The following ECD variants were observed in gnomAD, a reference collection of about 807,000 sequenced individuals.
ECD encodes protein ecdysoneless homolog.
A neutral mutation model predicts 77.2 loss-of-function variants in ECD; 59 were observed. The ratio of observed to expected loss-of-function variants is 0.76; its 90% CI spans 0.62 to 0.95. ECD has a LOEUF of 0.95. Ranked by LOEUF, ECD falls within the 40% of genes least tolerant of loss-of-function variation. ECD has a pLI of 0.00. For missense variants in ECD, 704 were observed against 763.4 expected (o/e 0.92, Z 0.92); for synonymous variants, 233 against 267.4 (o/e 0.87, Z 1.26).
chr10:73,145,330 GTC>G (rs1843109719), intron 9 of ECD, among the ~76,000 whole-genome samples: 1 of 151,888 alleles, frequency 6.6e-6, no homozygotes, highest in Non-Finnish European at 1.5e-5. Flanking sequence ...GACTAAGCGA[GTC>G]TCTGTCTAAA....
rs1217944700 is a variant in ECD at position 73,156,560 on chromosome 10, A to G, written c.411+8T>C. The G allele has an allele frequency of 5.0e-6, 8 of 1,614,026 alleles. No homozygotes were observed. Among genetic ancestry groups the G allele is most frequent in the Non-Finnish European group, 6.8e-6 (8 of 1,180,018 alleles). On this transcript the variant is annotated splice_region_variant and intron_variant, in intron 4 of 13. Transcript: ENST00000372979. Reference sequence around the variant, plus strand: ...CTCTATAAATTTTCTAAACTTGGGTATACTTACCCTATTGGTGCTATTTTC... The same window carrying G: ...CTCTATAAATTTTCTAAACTTGGGTGTACTTACCCTATTGGTGCTATTTTC...
rs759024075 is a variant in ECD at position 73,139,361 on chromosome 10, T to C, written c.1369A>G (p.Met457Val). ...NYDLTEVSES[M>V]KAFISKVSTH... ...GAGACTTTGGATATGAAAGCTTTCA[T>C]GCTCTCTGAGACTTCAGTTAAGTCA... is the stretch of plus-strand genomic sequence containing the variant. The change falls in exon 11 of 14, where the codon ATG becomes GTG. Residue 457 changes from methionine to valine, a missense_variant. Met to Val is a conservative substitution (Grantham distance 21). Around this residue, in one of 3 missense-constraint regions of ECD, gnomAD observed 559 missense variants for 583.7 expected, o/e 0.96. Transcript: ENST00000372979. The C allele has an allele frequency of 1.2e-6, 2 of 1,614,148 alleles. No homozygotes were observed. The highest frequency in any genetic ancestry group is 1.7e-6 in the Non-Finnish European group (2 of 1,180,016).
rs1842948951 is a variant in ECD at position 73,133,831 on chromosome 10, A to AC, written c.*751dup. 6.6e-6 allele frequency: 1 copy of AC among 152,210 alleles called. No individual in the cohort carries two copies. The highest frequency in any genetic ancestry group is 2.1e-4 in the South Asian group (1 of 4,834). The allele number at this position is 152,210 out of a possible 1,614,324, so 9.4% of individuals were successfully genotyped here. A position where few individuals can be genotyped will look rare whatever the true frequency, so the allele number is the denominator to read the frequency against. Reference sequence around the variant, plus strand: ...AATTAATTAATTAAAACAATTAAGTACAGTATCAGGTATGAAATATCCAAA... The same window carrying AC: ...AATTAATTAATTAAAACAATTAAGTACCAGTATCAGGTATGAAATATCCAAA... On this transcript the variant is annotated 3_prime_UTR_variant, in exon 14 of 14. Transcript: ENST00000372979.
intron 9 of ECD, 101 bp from the exon 10 acceptor site, chr10:73,139,838 A>T (rs2133249118): frequency 1.5e-6 from 1 of 677,610 alleles, no homozygotes; most frequent in Non-Finnish European, 2.3e-6. Context: ...AGCTAGTCTA[A>T]TTTGGGGAGT....
intron 3 of ECD, among the ~76,000 whole-genome samples, chr10:73,160,034 C>T (rs1422896520): frequency 6.6e-6 from 1 of 151,424 alleles, no homozygotes; most frequent in Non-Finnish European, 1.5e-5. Flanking sequence ...CCTGTATTCC[C>T]AGCACTTTGG....
chr10:73,139,387 T>C lies in ECD; in HGVS notation c.1343A>G (p.Tyr448Cys), dbSNP rs746532921. The C allele has an allele frequency of 9.9e-6, 16 of 1,614,194 alleles. No homozygotes were observed. Among genetic ancestry groups the C allele is most frequent in the East Asian group, 2.2e-5 (1 of 44,878 alleles). The change falls in exon 11 of 14, where the codon TAT (tyrosine) becomes TGT (cysteine). Residue 448 changes from tyrosine (Y) to cysteine (C), a missense_variant. Physicochemically the swap from Tyr to Cys is radical, Grantham distance 194. This residue lies in a region of ECD where 559 missense variants were observed against 583.7 expected (regional missense o/e 0.96). Transcript: ENST00000372979. ...SVSKEEKEQNYDLTEVSESMK... is the reference protein window; with the variant it reads ...SVSKEEKEQNCDLTEVSESMK... Reference sequence around the variant, plus strand: ...GCTCTCTGAGACTTCAGTTAAGTCATAGTTCTGCTCCTTCTCCTCCTTGGA... The same window carrying C: ...GCTCTCTGAGACTTCAGTTAAGTCACAGTTCTGCTCCTTCTCCTCCTTGGA...
chr10:73,157,253 T>C (rs1843308638), intron 3 of ECD, among the ~76,000 whole-genome samples: 1 of 151,556 alleles, frequency 6.6e-6, no homozygotes, highest in South Asian at 2.1e-4. Flanking sequence ...TTTCGCCATG[T>C]TGCCCAGGCT....
At chr10:73,139,553 G>A (rs2133248679) in intron 10 of ECD, 58 bp from the exon 11 acceptor site, 8 of 1,597,736 alleles carry the variant, frequency 5.0e-6, no homozygotes, top group East Asian at 2.2e-5. Flanking sequence ...CCTCTTAGGA[G>A]AGGATCCTGT....
rs553801546 is a variant in ECD at position 73,144,674 on chromosome 10, C to T, written c.1127+1602G>A. Among the ~76,000 whole-genome samples the T allele has an allele frequency of 5.6e-4, 86 of 152,218 alleles. 1 individual carries two copies. The highest frequency in any genetic ancestry group is 2.0e-3 in the African/African-American group (82 of 41,532). On this transcript the variant is annotated intron_variant, in intron 9 of 13. Transcript: ENST00000372979. ...TTTATTCCTTTACTTTCTTAATAAA[C>T]ATACTTTCACTTTACTCTATGGACT... is the stretch of plus-strand genomic sequence containing the variant.
In ECD at chr10:73,164,981, T is replaced by A. The variant is rs78619377; in HGVS notation, c.-13-1031A>T. Among the ~76,000 whole-genome samples, 948 of 152,312 alleles carry A rather than the reference T, an allele frequency of 6.2e-3. 25 individuals carry two copies. Among genetic ancestry groups the A allele is most frequent in the Admixed American group, 0.049 (742 of 15,288 alleles). On this transcript the variant is annotated intron_variant, in intron 1 of 13. Coordinates refer to ENST00000372979, the MANE Select transcript of ECD (RefSeq NM_007265.3). ...TACTAGCAGTGGTATGTGTAATATA[T>A]TTCGAGAAACACTGCACTAACACCT...
At chr10:73,160,662 T>C (rs2133273208) in intron 2 of ECD, 111 bp from the exon 3 acceptor site, 1 of 741,864 alleles carries the variant, frequency 1.3e-6, no homozygotes, top group South Asian at 2.1e-5. Context: ...CTCTAAGTAC[T>C]GGGGAGCAGG....
rs536310179 is a variant in ECD at position 73,163,952 on chromosome 10, T to C, written c.-13-2A>G. 6 of 1,594,592 alleles carry C rather than the reference T, an allele frequency of 3.8e-6. No individual in the cohort carries two copies. In the South Asian group the frequency reaches 6.6e-5, roughly 18 times the overall value. On this transcript the variant is annotated splice_acceptor_variant, in intron 1 of 13. Coordinates refer to ENST00000372979, the MANE Select transcript of ECD (RefSeq NM_007265.3). LOFTEE classifies it low-confidence loss of function (5UTR_SPLICE). The stretch of plus-strand genomic sequence containing the variant: ...GTTTCTTCCATTCTTCTTTGAAAAC[T>C]ATGTTTAAAGTTCCAAAATATAAAC...
rs770360802 is a variant in ECD, at chr10:73,148,383, A to C, written c.934T>G (p.Cys312Gly). The C allele has an allele frequency of 6.2e-7, 1 of 1,613,798 alleles. No individual in the cohort carries two copies. Among genetic ancestry groups the C allele is most frequent in the African/African-American group, 1.3e-5 (1 of 74,948 alleles). ...GAAAAATGTGGGCTACATTTGGAGCATAAGATCTCAAATCCATGAGCCTAG... is the reference window on the plus strand; with the variant it reads ...GAAAAATGTGGGCTACATTTGGAGCCTAAGATCTCAAATCCATGAGCCTAG... The part of the protein sequence containing the change: ...MKLAHGFEIL[C>G]SKCSPHFSDC... Residue 312 changes from cysteine to glycine, a missense_variant, in exon 8 of 14, where the codon TGC becomes GGC. Physicochemically the swap from Cys to Gly is radical, Grantham distance 159. Coordinates refer to ENST00000372979, the MANE Select transcript of ECD (RefSeq NM_007265.3).
chr10:73,148,453 A>G lies in ECD; in HGVS notation c.913-49T>C, dbSNP rs764098287. On this transcript the variant is annotated intron_variant, in intron 7 of 13. Transcript: ENST00000372979. ...TGTTACTAAGTTCCTTTTTTCCCGT[A>G]TCTTATTATAACACATTACTTTTTT... The G allele has an allele frequency of 2.5e-6, 4 of 1,598,450 alleles. No homozygotes were observed. The South Asian group carries it at 4.5e-5, about 18-fold the overall frequency.
intron 11 of ECD, among the ~76,000 whole-genome samples, chr10:73,138,967 C>T (rs10437379): frequency 0.026 from 3,959 of 150,912 alleles, 170 homozygotes; most frequent in African/African-American, 0.09. Flanking sequence ...TTTTCAGTAT[C>T]CAATCTGCTT....
intron 13 of ECD, 86 bp from the exon 14 acceptor site, chr10:73,134,899 A>G (rs1328893727): frequency 7.7e-6 from 9 of 1,170,326 alleles, no homozygotes; most frequent in South Asian, 1.4e-5. Context: ...CTAAGCCACA[A>G]TGTAAATTTG....
Position 73,146,422 on chromosome 10 carries a change from T to C in ECD, c.1042-61A>G, listed in dbSNP as rs1589115649. The C allele has an allele frequency of 4.1e-6, 5 of 1,217,032 alleles. 1 individual carries two copies. The East Asian group carries it at 1.3e-4, about 31-fold the overall frequency. The allele number at this position is 1,217,032 out of a possible 1,614,324, so 75.4% of individuals were successfully genotyped here. On this transcript the variant is annotated intron_variant, in intron 8 of 13. Coordinates refer to ENST00000372979, the MANE Select transcript of ECD (RefSeq NM_007265.3). ...CACAAGTTGTCATGAAAAAAATGTG[T>C]TCACCAGCAACTTTCAGGGAGGCAG...
chr10:73,146,051 G>A (rs954103669), intron 9 of ECD, among the ~76,000 whole-genome samples: 8 of 150,968 alleles, frequency 5.3e-5, no homozygotes, highest in Non-Finnish European at 7.4e-5. Flanking sequence ...AATTTCTTTC[G>A]TTGTTTTTTT....
At chr10:73,137,909 T>C (rs1470013363) in intron 12 of ECD, 94 bp downstream of exon 12, 2 of 890,032 alleles carry the variant, frequency 2.2e-6, no homozygotes, top group Non-Finnish European at 3.1e-6. Context: ...AAGCAAACAT[T>C]TTGGCTTCTG....
Sources: allele counts gnomAD v4.1 joint callset (sites outside exome capture counted in the v4.1 genomes callset), GRCh38; gene constraint gnomAD v4.1.1; regional missense constraint gnomAD v4.1.1; transcripts MANE v1.5; gene names NCBI Gene and HGNC (gene_info 2026-07-23, HGNC 2026-07-21).